Variants in PCDHA7 observed in about 807,000 individuals in gnomAD.
PCDHA7 encodes protocadherin alpha 7.
In PCDHA7, 37 loss-of-function variants were observed where a neutral mutation model predicts 57.2. The ratio of observed to expected loss-of-function variants is 0.65; its 90% CI spans 0.50 to 0.85. PCDHA7 has a LOEUF of 0.85. Among genes scored for constraint, PCDHA7 ranks in the 40% least tolerant of loss-of-function variants. The pLI is 0.00. For missense variants in PCDHA7, 1,188 were observed against 1,241.8 expected, an observed-to-expected ratio of 0.96 and a Z score of 0.65; for synonymous variants, 553 against 558.8, an observed-to-expected ratio of 0.99 and a Z score of 0.15.
At chr5:140,892,595 A>G (rs1424989273) in intron 1 of PCDHA7, among the ~76,000 whole-genome samples, 1 of 151,958 alleles carries the variant, frequency 6.6e-6, no homozygotes, top group African/African-American at 2.4e-5. Flanking sequence ...TCATTCACCT[A>G]TTTTTTTCCT....
intron 1 of PCDHA7, among the ~76,000 whole-genome samples, chr5:140,895,075 A>C (rs1309295177): frequency 6.6e-6 from 1 of 152,102 alleles, no homozygotes; most frequent in Admixed American, 6.5e-5. Flanking sequence ...AATTCCTATC[A>C]GTTCCTCCTC....
At position 140,858,879 on chromosome 5, in the gene PCDHA7, CATGTGTAGAAT is replaced by C. The variant is rs2045639159; in HGVS notation, c.2355+22150_2355+22160del. On this transcript the variant is annotated intron_variant, in intron 1 of 3. Transcript: ENST00000525929. ...TCTTCAGTGAAAATGTGTTTTCCTC[CATGTGTAGAAT>C]ATGTGTAGCGTACCACAGCTTATAC... 2.9e-5 allele frequency: 7 copies of C among 243,802 alleles called. No homozygotes were observed. In the South Asian group the frequency reaches 3.1e-4, roughly 11 times the overall value. The allele number at this position is 243,802 out of a possible 1,614,324, so 15.1% of individuals were successfully genotyped here. A position where few individuals can be genotyped will look rare whatever the true frequency, so the allele number is the denominator to read the frequency against.
intron 1 of PCDHA7, chr5:140,841,370 T>C: frequency 1.9e-6 from 3 of 1,613,492 alleles, no homozygotes; most frequent in South Asian, 1.1e-5. Flanking sequence ...ACTACTACTC[T>C]TGCTTCTGCT....
intron 1 of PCDHA7, among the ~76,000 whole-genome samples, chr5:140,973,558 T>C (rs1427190876): frequency 6.6e-6 from 1 of 152,238 alleles, no homozygotes; most frequent in Admixed American, 6.5e-5. Flanking sequence ...AATTACCTCT[T>C]TCCTCAATTT....
chr5:140,877,014 C>A lies in PCDHA7; in HGVS notation c.2355+40276C>A, dbSNP rs559122507. On this transcript the variant is annotated intron_variant, in intron 1 of 3. Coordinates refer to ENST00000525929, the MANE Select transcript of PCDHA7 (RefSeq NM_018910.3). ...GCTACGTGTCGGTGCACGCGGAGAG[C>A]GGCAAGGTGTACGCGCTGCAGCCGC... is the stretch of plus-strand genomic sequence containing the variant. 5 of 1,612,440 alleles carry A rather than the reference C, an allele frequency of 3.1e-6. No homozygotes were observed. In the African/African-American group the frequency reaches 4.0e-5, roughly 13 times the overall value.
At chr5:140,843,385 T>C (rs2150358841) in intron 1 of PCDHA7, 2 of 1,595,900 alleles carry the variant, frequency 1.3e-6, no homozygotes, top group Admixed American at 1.7e-5. Context: ...GCGTTTTGGG[T>C]CCGGAAGCGG....
At chr5:140,926,879 C>G in intron 1 of PCDHA7, 1 of 1,534,480 alleles carries the variant, frequency 6.5e-7, no homozygotes, top group Non-Finnish European at 8.8e-7. Flanking sequence ...GGAACGTGGA[C>G]GCCTAGAGGG....
chr5:140,924,116 G>C (rs2081683465), intron 1 of PCDHA7, among the ~76,000 whole-genome samples: 1 of 152,178 alleles, frequency 6.6e-6, no homozygotes, highest in African/African-American at 2.4e-5. Flanking sequence ...AAAGCAGTTA[G>C]CTTGCTTAGC....
intron 1 of PCDHA7, among the ~76,000 whole-genome samples, chr5:140,909,538 A>T (rs1204423392): frequency 6.6e-6 from 1 of 152,148 alleles, no homozygotes; most frequent in East Asian, 1.9e-4. Context: ...TGAGTCCTTG[A>T]TGGTGGCACT....
chr5:140,886,076 A>C (rs1554182342), intron 1 of PCDHA7, among the ~76,000 whole-genome samples: 3 of 152,198 alleles, frequency 2.0e-5, no homozygotes, highest in African/African-American at 7.2e-5. Flanking sequence ...GGGCCATACC[A>C]CAACCTGGAT....
intron 1 of PCDHA7, among the ~76,000 whole-genome samples, chr5:140,976,780 A>G (rs2096731008): frequency 6.6e-6 from 1 of 152,224 alleles, no homozygotes; most frequent in Non-Finnish European, 1.5e-5. Context: ...CTCTGACTAT[A>G]TAGCTACGCT....
At chr5:140,876,048 T>G in intron 1 of PCDHA7, 1 of 1,613,930 alleles carries the variant, frequency 6.2e-7, no homozygotes, top group Non-Finnish European at 8.5e-7. Context: ...GTATATTGCC[T>G]GAATTAGTTC....
intron 1 of PCDHA7, chr5:140,966,787 A>G (rs781920865): frequency 6.5e-7 from 1 of 1,526,816 alleles, no homozygotes; most frequent in African/African-American, 1.4e-5. Context: ...CGGGCACCAG[A>G]CCTGCGGCGA....
In PCDHA7 at chr5:140,846,712, C is replaced by A. The variant is rs1014332332; in HGVS notation, c.2355+9974C>A. Among the ~76,000 whole-genome samples, 13 of 149,346 alleles carry A rather than the reference C, an allele frequency of 8.7e-5. 2 individuals are homozygous for A. Among genetic ancestry groups the A allele is most frequent in the South Asian group, 8.5e-4 (4 of 4,692 alleles). ...TAGCAAGTAGAGAAGATTGTAATAA[C>A]CAGTCTTCATTAAACATTAAATAGG... On this transcript the variant is annotated intron_variant, in intron 1 of 3. Transcript: ENST00000525929.
At chr5:140,875,241 A>G (rs1176870557) in intron 1 of PCDHA7, 27 of 935,126 alleles carry the variant, frequency 2.9e-5, no homozygotes, top group Non-Finnish European at 3.8e-5. Context: ...TTGTACTTAC[A>G]TAATCAGTCA....
chr5:140,973,178 G>A (rs188308697), intron 1 of PCDHA7, among the ~76,000 whole-genome samples: 1 of 152,282 alleles, frequency 6.6e-6, no homozygotes, highest in Admixed American at 6.5e-5. Flanking sequence ...CAAACCTTCA[G>A]TTATTTCTGC....
At chr5:140,998,099 CAGA>C (rs2097796305) in intron 3 of PCDHA7, among the ~76,000 whole-genome samples, 1 of 152,130 alleles carries the variant, frequency 6.6e-6, no homozygotes, top group African/African-American at 2.4e-5. Context: ...CTAGAGCAAA[CAGA>C]GGAGAAAATT....
At chr5:140,998,720 A>G (rs1554256437) in intron 3 of PCDHA7, among the ~76,000 whole-genome samples, 1 of 152,092 alleles carries the variant, frequency 6.6e-6, no homozygotes, top group African/African-American at 2.4e-5. Context: ...TTGCACCACC[A>G]CGCTAGGCTA....
chr5:140,924,752 G>A (rs970314481), intron 1 of PCDHA7, among the ~76,000 whole-genome samples: 5 of 151,648 alleles, frequency 3.3e-5, no homozygotes, highest in South Asian at 2.1e-4. Context: ...AAAATTAACC[G>A]AGCATGGTGG....
Sources: gnomAD v4.1 joint callset for allele counts (sites outside exome capture counted in the v4.1 genomes callset) on GRCh38, gnomAD v4.1.1 for gene constraint, MANE v1.5 for transcripts, NCBI Gene and HGNC (gene_info 2026-07-23, HGNC 2026-07-21) for gene names.